Variants in COL23A1 observed in about 807,000 individuals in gnomAD.
COL23A1 encodes collagen type XXIII alpha 1 chain.
COL23A1 carries 97 observed loss-of-function variants against 99.3 expected under a neutral mutation model. The ratio of observed to expected loss-of-function variants is 0.98; its 90% CI spans 0.83 to 1.16. The LOEUF (loss-of-function observed/expected upper bound fraction) is 1.16, where lower values mean the gene tolerates loss of function less well. COL23A1 is among the 50% of genes most tolerant of loss of function. The probability of loss-of-function intolerance (pLI) is 0.00; values close to 1 mark genes in which losing one functional copy is unlikely to be tolerated. For missense variants in COL23A1, 762 were observed against 757.4 expected (o/e 1.01, Z -0.07); for synonymous variants, 320 against 308.2 (o/e 1.04, Z -0.40).
intron 2 of COL23A1, among the ~76,000 whole-genome samples, chr5:178,440,188 C>A (rs966990032): frequency 5.9e-5 from 9 of 152,170 alleles, no homozygotes; most frequent in Admixed American, 2.0e-4. Context: ...AAAAAACAAA[C>A]CACTTCCTAT....
intron 2 of COL23A1, among the ~76,000 whole-genome samples, chr5:178,473,845 G>A (rs1756892342): frequency 6.6e-6 from 1 of 152,134 alleles, no homozygotes; most frequent in Non-Finnish European, 1.5e-5. Context: ...TTAAAAAGAA[G>A]CACTTTGAAA....
At chr5:178,394,627 C>G (rs996936737) in intron 2 of COL23A1, among the ~76,000 whole-genome samples, 1 of 152,228 alleles carries the variant, frequency 6.6e-6, no homozygotes, top group African/African-American at 2.4e-5. Flanking sequence ...TAGCATTTGG[C>G]TGCAAGTTCA....
intron 27 of COL23A1, among the ~76,000 whole-genome samples, chr5:178,241,439 C>T (rs1265706591): frequency 2.0e-5 from 3 of 152,088 alleles, no homozygotes; most frequent in East Asian, 3.9e-4. Flanking sequence ...GGAGGCACAG[C>T]CAGCCAGAGA....
At chr5:178,443,324 A>G (rs1303472953) in intron 2 of COL23A1, among the ~76,000 whole-genome samples, 3 of 152,250 alleles carry the variant, frequency 2.0e-5, no homozygotes, top group African/African-American at 4.8e-5. Flanking sequence ...AGGTGATTCA[A>G]GACCAGACAC....
chr5:178,244,448 C>T (rs938335753), intron 25 of COL23A1, among the ~76,000 whole-genome samples: 1 of 152,198 alleles, frequency 6.6e-6, no homozygotes, highest in Non-Finnish European at 1.5e-5. Flanking sequence ...CTAGTCAGGG[C>T]ACTGCATTCC....
At position 178,255,239 on chromosome 5, in the gene COL23A1, G is replaced by A. The variant is rs149207441; in HGVS notation, c.883-213C>T. ...CCTGTTTCCACCTGGTCTGAGGGGCGGCTGTAATTGCCCTCACGTGGGCAT... is the reference window on the plus strand; with the variant it reads ...CCTGTTTCCACCTGGTCTGAGGGGCAGCTGTAATTGCCCTCACGTGGGCAT... On this transcript the variant is annotated intron_variant, in intron 15 of 28. Transcript: ENST00000390654. This position sits in a 1 kb window ranked among gnomAD's most constrained non-coding sequence, Gnocchi z 4.2. Among the ~76,000 whole-genome samples the A allele has an allele frequency of 3.3e-5, 5 of 152,190 alleles. No homozygotes were observed. Among genetic ancestry groups the A allele is most frequent in the African/African-American group, 7.2e-5 (3 of 41,530 alleles).
intron 2 of COL23A1, among the ~76,000 whole-genome samples, chr5:178,422,515 C>T (rs1031234304): frequency 1.3e-5 from 2 of 152,140 alleles, no homozygotes; most frequent in African/African-American, 4.8e-5. Context: ...AGCAAGCGTG[C>T]CCAAAGGTGG....
intron 2 of COL23A1, among the ~76,000 whole-genome samples, chr5:178,499,677 G>A (rs538045878): frequency 5.9e-5 from 9 of 152,176 alleles, no homozygotes; most frequent in Non-Finnish European, 8.8e-5. Context: ...AAAGTTAATC[G>A]TATACCTAAT....
chr5:178,281,108 CT>C lies in COL23A1; in HGVS notation c.441+7215del, dbSNP rs1410372845. On this transcript the variant is annotated intron_variant, in intron 5 of 28. Transcript: ENST00000390654. This position sits in a 1 kb window ranked among gnomAD's most constrained non-coding sequence, Gnocchi z 4.0. Reference sequence around the variant, plus strand: ...CCATTATCAGGGACTCCGGAGTCGGCTTTCATCCGGTCTCAGCTTCACTAGA... The same window carrying C: ...CCATTATCAGGGACTCCGGAGTCGGCTTCATCCGGTCTCAGCTTCACTAGA... 2.0e-5 allele frequency among the ~76,000 whole-genome samples: 3 copies of C among 152,124 alleles called. No homozygotes were observed. Among genetic ancestry groups the C allele is most frequent in the Non-Finnish European group, 4.4e-5 (3 of 68,026 alleles).
chr5:178,355,197 C>T (rs1222494797), intron 2 of COL23A1, among the ~76,000 whole-genome samples: 2 of 152,138 alleles, frequency 1.3e-5, no homozygotes, highest in African/African-American at 4.8e-5. Flanking sequence ...AAATACTACA[C>T]ATTTTACCAG....
intron 22 of COL23A1, among the ~76,000 whole-genome samples, chr5:178,247,038 C>T (rs1254795504): frequency 1.3e-5 from 2 of 152,164 alleles, no homozygotes; most frequent in African/African-American, 4.8e-5. Context: ...GTCTGCCTCC[C>T]TGGGGCAGGG....
At chr5:178,402,778 T>C (rs540502415) in intron 2 of COL23A1, among the ~76,000 whole-genome samples, 1 of 152,142 alleles carries the variant, frequency 6.6e-6, no homozygotes, top group African/African-American at 2.4e-5. Context: ...TGATTTGCTC[T>C]TTACACATTA....
chr5:178,579,708 T>C (rs1230930614), intron 1 of COL23A1, among the ~76,000 whole-genome samples: 2 of 152,012 alleles, frequency 1.3e-5, no homozygotes, highest in African/African-American at 4.8e-5. Flanking sequence ...TGCCTCAGAC[T>C]CCCAAAGTGC....
intron 2 of COL23A1, among the ~76,000 whole-genome samples, chr5:178,525,683 TAAGCTCACATGGCTGGTAAGAAATGGC>T: frequency 1.5e-5 from 2 of 133,310 alleles, no homozygotes; most frequent in Non-Finnish European, 1.6e-5. Flanking sequence ...ACCCGAAGGC[TAAGCTCACATGGCTGGTAAGAAATGGC>T]GACACAGCGC....
At chr5:178,455,708 C>T (rs545277504) in intron 2 of COL23A1, among the ~76,000 whole-genome samples, 1 of 152,244 alleles carries the variant, frequency 6.6e-6, no homozygotes, top group South Asian at 2.1e-4. Context: ...AGGCCGAGAG[C>T]TGGCACCTAT....
intron 2 of COL23A1, among the ~76,000 whole-genome samples, chr5:178,447,995 G>A (rs1035347262): frequency 6.6e-6 from 1 of 152,180 alleles, no homozygotes; most frequent in Non-Finnish European, 1.5e-5. Flanking sequence ...GGGTCTGAGT[G>A]TTGGTGCTCC....
chr5:178,256,749 C>T (rs1479801456), intron 14 of COL23A1, 117 bp downstream of exon 14: 8 of 1,004,974 alleles, frequency 8.0e-6, no homozygotes, highest in Admixed American at 2.5e-5. Context: ...ACCCCTGGGT[C>T]AGGCCCTCCT....
At chr5:178,399,898 T>G (rs1764344701) in intron 2 of COL23A1, among the ~76,000 whole-genome samples, 1 of 152,152 alleles carries the variant, frequency 6.6e-6, no homozygotes, top group Non-Finnish European at 1.5e-5. Context: ...TCCCTTCGGC[T>G]CATCTGTCTC....
intron 2 of COL23A1, among the ~76,000 whole-genome samples, chr5:178,394,261 C>T (rs1484066971): frequency 6.6e-6 from 1 of 152,226 alleles, no homozygotes; most frequent in Non-Finnish European, 1.5e-5. Flanking sequence ...TTAACCCATG[C>T]CCTGATGCTC....
Sources: allele counts gnomAD v4.1 joint callset (sites outside exome capture counted in the v4.1 genomes callset), GRCh38; gene constraint gnomAD v4.1.1; non-coding constraint Gnocchi (gnomAD v3.1); transcripts MANE v1.5; gene names NCBI Gene and HGNC (gene_info 2026-07-23, HGNC 2026-07-21).